The following SLTM variants were observed in gnomAD, a reference collection of about 807,000 sequenced individuals.
SLTM encodes the protein SAFB like transcription modulator.
A neutral mutation model predicts 134.6 loss-of-function variants in SLTM; 43 were observed. The observed-to-expected ratio is 0.32, with a 90% CI of 0.25 to 0.41. The LOEUF is 0.41. Among genes scored for constraint, SLTM ranks in the 10% least tolerant of loss-of-function variants. The pLI is 1.00. For missense variants in SLTM, 1,055 were observed against 1,288.8 expected, an observed-to-expected ratio of 0.82 and a Z score of 2.78; for synonymous variants, 424 against 432.3, an observed-to-expected ratio of 0.98 and a Z score of 0.24.
intron 2 of SLTM, among the ~76,000 whole-genome samples, chr15:58,924,671 A>T (rs1234617483): frequency 6.6e-6 from 1 of 152,204 alleles, no homozygotes; most frequent in Non-Finnish European, 1.5e-5. Context: ...TTTGGATGAT[A>T]AATTGGCTTT....
chr15:58,909,572 C>A (rs2036111505), intron 5 of SLTM, among the ~76,000 whole-genome samples: 3 of 152,160 alleles, frequency 2.0e-5, no homozygotes, highest in Admixed American at 1.3e-4. Context: ...CCCTCTGCAA[C>A]CCCTAATTGG....
intron 5 of SLTM, among the ~76,000 whole-genome samples, chr15:58,910,745 T>C (rs2036211906): frequency 9.4e-6 from 1 of 106,304 alleles, no homozygotes; most frequent in East Asian, 3.7e-4. Flanking sequence ...CATAGATTCT[T>C]TTTTTTTTTT....
Position 58,894,236 on chromosome 15 carries a change from C to T in SLTM, c.1378-43G>A, listed in dbSNP as rs1215677933. 3.3e-6 allele frequency: 5 copies of T among 1,505,676 alleles called. No homozygotes were observed. The Admixed American group carries it at 7.6e-5, about 23-fold the overall frequency. The allele number at this position is 1,505,676 out of a possible 1,614,324, so 93.3% of individuals were successfully genotyped here. A position where few individuals can be genotyped will look rare whatever the true frequency, so the allele number is the denominator to read the frequency against. On this transcript the variant is annotated intron_variant, in intron 10 of 20. Transcript: ENST00000380516. ...GAAAAACAATTTGTACATATGGTTA[C>T]ATTTTTGTGATTATAAGAAGTGTGC...
At chr15:58,883,565 CT>C in intron 20 of SLTM, 60 bp downstream of exon 20, 1 of 1,596,172 alleles carries the variant, frequency 6.3e-7, no homozygotes, top group Non-Finnish European at 8.6e-7. Flanking sequence ...ACTATAATGA[CT>C]TTTATGGAAA....
At chr15:58,923,956 A>G (rs2037285389) in intron 2 of SLTM, among the ~76,000 whole-genome samples, 1 of 151,964 alleles carries the variant, frequency 6.6e-6, no homozygotes, top group African/African-American at 2.4e-5. Context: ...CTGGGATTAT[A>G]GCCTCATGCC....
chr15:58,919,322 C>T (rs540109265), intron 2 of SLTM, among the ~76,000 whole-genome samples: 23 of 152,218 alleles, frequency 1.5e-4, no homozygotes, highest in South Asian at 8.3e-4. Flanking sequence ...CTGCTGGAAG[C>T]GGTGGCTACT....
intron 2 of SLTM, among the ~76,000 whole-genome samples, chr15:58,917,827 G>A (rs2036753908): frequency 6.6e-6 from 1 of 152,062 alleles, no homozygotes; most frequent in Non-Finnish European, 1.5e-5. Context: ...TCGGCTCACT[G>A]TAACTTCCCC....
chr15:58,919,414 T>C (rs1287682584), intron 2 of SLTM, among the ~76,000 whole-genome samples: 1 of 152,010 alleles, frequency 6.6e-6, no homozygotes, highest in Non-Finnish European at 1.5e-5. Context: ...GGCAACACAG[T>C]GAGATCCCTA....
intron 2 of SLTM, among the ~76,000 whole-genome samples, chr15:58,925,720 CA>C (rs1200406992): frequency 6.6e-6 from 1 of 152,130 alleles, no homozygotes; most frequent in Admixed American, 6.5e-5. Flanking sequence ...GTATATTTTT[CA>C]AATATCTTAC....
intron 5 of SLTM, among the ~76,000 whole-genome samples, chr15:58,901,664 T>C (rs1441645121): frequency 6.6e-6 from 1 of 152,334 alleles, no homozygotes; most frequent in Non-Finnish European, 1.5e-5. Context: ...AGCTAAGATA[T>C]ACTATTCAAA....
intron 20 of SLTM, 147 bp downstream of exon 20, chr15:58,883,479 G>T: frequency 1.0e-6 from 1 of 988,374 alleles, no homozygotes; most frequent in Non-Finnish European, 1.5e-6. Flanking sequence ...ACACTCTTTT[G>T]GAGACTACGG....
At chr15:58,903,193 A>G (rs1439138400) in intron 5 of SLTM, among the ~76,000 whole-genome samples, 1 of 151,882 alleles carries the variant, frequency 6.6e-6, no homozygotes, top group Non-Finnish European at 1.5e-5. Flanking sequence ...GCCACCGTAC[A>G]CAGCCTAATT....
chr15:58,911,283 T>C (rs1738865875), intron 5 of SLTM, among the ~76,000 whole-genome samples: 1 of 152,188 alleles, frequency 6.6e-6, no homozygotes, highest in Non-Finnish European at 1.5e-5. Context: ...AAAGAAAGCA[T>C]GCTGAGACAA....
rs975162415 is a variant in SLTM, at chr15:58,916,705, T to G, written c.315+230A>C. The stretch of plus-strand genomic sequence containing the variant: ...TTTCTACCTAAAGGCCTGGAGAGAT[T>G]ATTAATTTTAGCTTTTGTATCTCAT... On this transcript the variant is annotated intron_variant, in intron 3 of 20. Transcript: ENST00000380516. 2.9e-5 allele frequency: 11 copies of G among 382,112 alleles called. 1 individual carries two copies. Among genetic ancestry groups the G allele is most frequent in the Non-Finnish European group, 5.2e-5 (11 of 210,872 alleles). 23.7% of individuals were successfully genotyped at this position (382,112 alleles called of 1,614,324 possible). A position where few individuals can be genotyped will look rare whatever the true frequency, so the allele number is the denominator to read the frequency against.
Position 58,887,312 on chromosome 15 carries a change from T to C in SLTM, c.2604A>G (p.Arg868=), listed in dbSNP as rs1415609677. ...GATTGGGCCCTGCCTCTCGAGGATG[T>C]CTAGGATGAGTGATATCAGGCCTGT... is the stretch of plus-strand genomic sequence containing the variant. The part of the protein sequence containing the change: ...IHDRPDITHP[R]HPREAGPNPS... The change falls in exon 18 of 21, where the codon AGA becomes AGG. Residue 868 remains arginine (R), a synonymous_variant. Transcript: ENST00000380516. 3 of 1,614,018 alleles carry C rather than the reference T, an allele frequency of 1.9e-6. No homozygotes were observed. The highest frequency in any genetic ancestry group is 1.7e-6 in the Non-Finnish European group (2 of 1,180,040).
chr15:58,919,165 G>A (rs1435140868), intron 2 of SLTM, among the ~76,000 whole-genome samples: 3 of 152,096 alleles, frequency 2.0e-5, no homozygotes, highest in Admixed American at 1.3e-4. Context: ...CACCCACCTC[G>A]GCCTCCCAAA....
chr15:58,900,910 G>A (rs1567126848), intron 6 of SLTM: 1 of 209,056 alleles, frequency 4.8e-6, no homozygotes, highest in Non-Finnish European at 9.5e-6. Context: ...TATGCACTAG[G>A]ACTCCAATAA....
chr15:58,911,165 C>G (rs1400194937), intron 5 of SLTM, among the ~76,000 whole-genome samples: 1 of 152,140 alleles, frequency 6.6e-6, no homozygotes, highest in African/African-American at 2.4e-5. Context: ...CCCAGAAATG[C>G]AATTTTTCTC....
chr15:58,919,345 A>G (rs1023945977), intron 2 of SLTM, among the ~76,000 whole-genome samples: 24 of 152,218 alleles, frequency 1.6e-4, no homozygotes, highest in African/African-American at 4.6e-4. Context: ...CTGTAATCCC[A>G]GCATTTTGGG....
Sources: gnomAD v4.1 joint callset for allele counts (sites outside exome capture counted in the v4.1 genomes callset) on GRCh38, gnomAD v4.1.1 for gene constraint, MANE v1.5 for transcripts, NCBI Gene and HGNC (gene_info 2026-07-23, HGNC 2026-07-21) for gene names.